Variants in IMMP1L observed in about 807,000 individuals in gnomAD.
IMMP1L encodes inner mitochondrial membrane peptidase subunit 1.
A neutral mutation model predicts 21.8 loss-of-function variants in IMMP1L; 24 were observed. The ratio of observed to expected loss-of-function variants is 1.10; its 90% CI spans 0.80 to 1.55. The LOEUF (loss-of-function observed/expected upper bound fraction) is 1.55. Among genes scored for constraint, IMMP1L ranks in the 40% most tolerant of loss-of-function variants. IMMP1L has a pLI of 0.00. For synonymous variants in IMMP1L, 46 were observed against 62.8 expected, an observed-to-expected ratio of 0.73 and a Z score of 1.26; for missense variants, 195 against 200.7, an observed-to-expected ratio of 0.97 and a Z score of 0.17.
Position 31,487,347 on chromosome 11 carries a change from C to T in IMMP1L, c.-30+22172G>A, listed in dbSNP as rs559185015. On this transcript the variant is annotated intron_variant, in intron 1 of 5. Transcript: ENST00000532287. Reference sequence around the variant, plus strand: ...CATGTTGTTTCTGTCTGTCAGTCTTCTTTTCAAGAAAATGCATGCTCATTA... The same window carrying T: ...CATGTTGTTTCTGTCTGTCAGTCTTTTTTTCAAGAAAATGCATGCTCATTA... Among the ~76,000 whole-genome samples, 14 of 152,210 alleles carry T rather than the reference C, an allele frequency of 9.2e-5. No homozygotes were observed. In the South Asian group the frequency reaches 2.5e-3, roughly 27 times the overall value.
chr11:31,500,598 CACACACACACACAA>C (rs1009376943), intron 1 of IMMP1L, among the ~76,000 whole-genome samples: 1 of 148,438 alleles, frequency 6.7e-6, no homozygotes, highest in African/African-American at 2.6e-5. Context: ...CATATGCACA[CACACACACACACAA>C]ACACACACAC....
intron 2 of IMMP1L, 55 bp from the exon 3 acceptor site, chr11:31,460,769 T>C: frequency 8.7e-7 from 1 of 1,153,078 alleles, no homozygotes; most frequent in South Asian, 1.3e-5. Context: ...AAATTTAACA[T>C]AAATCTTTTA....
chr11:31,446,087 C>T (rs1253270937), intron 4 of IMMP1L, among the ~76,000 whole-genome samples: 1 of 152,082 alleles, frequency 6.6e-6, no homozygotes, highest in African/African-American at 2.4e-5. Flanking sequence ...ATCTTCTTTC[C>T]ATTTCCCAAA....
chr11:31,469,092 T>C (rs555473214), intron 1 of IMMP1L, among the ~76,000 whole-genome samples: 1 of 152,282 alleles, frequency 6.6e-6, no homozygotes, highest in East Asian at 1.9e-4. Context: ...TATTGATCAT[T>C]TGTATATCTT....
At chr11:31,457,918 C>G (rs972855277) in intron 3 of IMMP1L, among the ~76,000 whole-genome samples, 1 of 152,090 alleles carries the variant, frequency 6.6e-6, no homozygotes, top group Non-Finnish European at 1.5e-5. Flanking sequence ...CTTTTGAAAA[C>G]AGAATAAAGG....
intron 1 of IMMP1L, among the ~76,000 whole-genome samples, chr11:31,506,658 TAAAAA>T: frequency 8.0e-6 from 1 of 125,218 alleles, no homozygotes; most frequent in East Asian, 2.2e-4. Flanking sequence ...TTATCTTTGT[TAAAAA>T]AAAAAAAAAA....
chr11:31,487,590 C>T (rs944616843), intron 1 of IMMP1L, among the ~76,000 whole-genome samples: 1 of 152,088 alleles, frequency 6.6e-6, no homozygotes, highest in Non-Finnish European at 1.5e-5. Flanking sequence ...AACATGATAG[C>T]TGGATTATAG....
chr11:31,468,720 AATAAATAC>A (rs1283289209), intron 1 of IMMP1L, among the ~76,000 whole-genome samples: 2 of 152,194 alleles, frequency 1.3e-5, no homozygotes, highest in African/African-American at 2.4e-5. Context: ...AAAGTAAACA[AATAAATAC>A]ATAAATACAT....
At chr11:31,499,676 A>C (rs573622604) in intron 1 of IMMP1L, among the ~76,000 whole-genome samples, 1 of 152,272 alleles carries the variant, frequency 6.6e-6, no homozygotes, top group Non-Finnish European at 1.5e-5. Flanking sequence ...AACTACATGA[A>C]ATTCAAATTT....
chr11:31,453,648 T>C (rs1314756545), intron 4 of IMMP1L, among the ~76,000 whole-genome samples: 3 of 152,204 alleles, frequency 2.0e-5, no homozygotes, highest in Non-Finnish European at 2.9e-5. Flanking sequence ...CCTTGATTAA[T>C]GGAACACATT....
chr11:31,441,391 T>C (rs1386329260), intron 4 of IMMP1L, among the ~76,000 whole-genome samples: 2 of 151,500 alleles, frequency 1.3e-5, no homozygotes, highest in Admixed American at 6.6e-5. Flanking sequence ...ATCCATATAG[T>C]AGGATATGCT....
intron 4 of IMMP1L, chr11:31,452,815 A>T: frequency 1.1e-6 from 1 of 909,574 alleles, no homozygotes; most frequent in Non-Finnish European, 1.4e-6. Flanking sequence ...CAGTGGCGCG[A>T]TCTCGGCTCA....
chr11:31,485,820 G>C (rs560802356), intron 1 of IMMP1L, among the ~76,000 whole-genome samples: 1 of 151,814 alleles, frequency 6.6e-6, no homozygotes, highest in African/African-American at 2.4e-5. Context: ...ATAGAATTCC[G>C]AGGAAATCAC....
chr11:31,455,955 G>T (rs895067972), intron 4 of IMMP1L, among the ~76,000 whole-genome samples: 2 of 152,024 alleles, frequency 1.3e-5, no homozygotes, highest in African/African-American at 2.4e-5. Flanking sequence ...TAAATATTTT[G>T]GGAGAGATAA....
chr11:31,475,407 C>A (rs1178293377), intron 1 of IMMP1L, among the ~76,000 whole-genome samples: 1 of 152,110 alleles, frequency 6.6e-6, no homozygotes, highest in African/African-American at 2.4e-5. Context: ...CATAGGCTAA[C>A]CCTCACTGTG....
chr11:31,480,204 A>G lies in IMMP1L; in HGVS notation c.-29-16899T>C, dbSNP rs1307279951. ...CTATGGTGTTATTGTAATTGGTTAC[A>G]TTCAAATTTTTAAAGTACATTTAAG... On this transcript the variant is annotated intron_variant, in intron 1 of 5. Transcript: ENST00000532287. Among the ~76,000 whole-genome samples, 7 of 152,202 alleles carry G rather than the reference A, an allele frequency of 4.6e-5. No homozygotes were observed. The East Asian group carries it at 1.4e-3, about 29-fold the overall frequency.
Position 31,446,556 on chromosome 11 carries a change from C to T in IMMP1L, c.321+9704G>A, listed in dbSNP as rs115412717. ...CCACGTAACAGACTACCATGCTTGGCTTATACCTTTCATTTTTATCTCTTC... is the reference window on the plus strand; with the variant it reads ...CCACGTAACAGACTACCATGCTTGGTTTATACCTTTCATTTTTATCTCTTC... On this transcript the variant is annotated intron_variant, in intron 4 of 5. Coordinates refer to ENST00000532287, the MANE Select transcript of IMMP1L (RefSeq NM_001304274.2). Among the ~76,000 whole-genome samples the T allele has an allele frequency of 6.7e-3, 1,018 of 152,250 alleles. 13 individuals are homozygous for T. Among genetic ancestry groups the T allele is most frequent in the African/African-American group, 0.023 (969 of 41,544 alleles).
intron 1 of IMMP1L, among the ~76,000 whole-genome samples, chr11:31,483,196 G>A (rs1162337150): frequency 6.6e-6 from 1 of 151,884 alleles, no homozygotes; most frequent in African/African-American, 2.4e-5. Flanking sequence ...GTGTCTTCTG[G>A]AGTGCTGACA....
At chr11:31,497,906 A>T (rs572859353) in intron 1 of IMMP1L, among the ~76,000 whole-genome samples, 1 of 152,250 alleles carries the variant, frequency 6.6e-6, no homozygotes, top group Admixed American at 6.5e-5. Flanking sequence ...ACATACACAA[A>T]TTTTTTTAAA....
Sources: gnomAD v4.1 joint callset for allele counts (sites outside exome capture counted in the v4.1 genomes callset) on GRCh38, gnomAD v4.1.1 for gene constraint, MANE v1.5 for transcripts, NCBI Gene and HGNC (gene_info 2026-07-23, HGNC 2026-07-21) for gene names.